Variants in KIF6 observed in about 807,000 individuals in gnomAD.
KIF6 encodes the protein kinesin-like protein KIF6.
In KIF6, 106 loss-of-function variants were observed where a neutral mutation model predicts 112.7. The ratio of observed to expected loss-of-function variants is 0.94; its 90% CI spans 0.80 to 1.11. The LOEUF is 1.11. Among genes scored for constraint, KIF6 ranks in the 50% least tolerant of loss-of-function variants. The pLI, the probability that KIF6 is intolerant of heterozygous loss-of-function variation, is 0.00. For missense variants in KIF6, 929 were observed against 964.0 expected (o/e 0.96, Z 0.48); for synonymous variants, 339 against 339.9 (o/e 1.00, Z 0.03).
chr6:39,460,165 A>G (rs1211932505), intron 13 of KIF6, among the ~76,000 whole-genome samples: 1 of 141,792 alleles, frequency 7.1e-6, no homozygotes, highest in Non-Finnish European at 1.5e-5. Context: ...AAAATGTGGC[A>G]CATATACACC....
chr6:39,578,033 G>GA (rs3830834), intron 10 of KIF6, 23 bp downstream of exon 10: 140,328 of 1,518,492 alleles, frequency 0.092, 6,757 homozygotes, highest in South Asian at 0.16. Flanking sequence ...TAAAGAAAAA[G>GA]AAAAAAAAGT....
intron 7 of KIF6, among the ~76,000 whole-genome samples, chr6:39,595,241 G>A (rs1782188939): frequency 6.6e-6 from 1 of 152,152 alleles, no homozygotes; most frequent in African/African-American, 2.4e-5. Context: ...GCAAAAGGAA[G>A]CCATTTGTAA....
intron 3 of KIF6, among the ~76,000 whole-genome samples, chr6:39,710,882 G>A (rs1029072343): frequency 2.6e-5 from 4 of 151,838 alleles, no homozygotes; most frequent in African/African-American, 2.4e-5. Flanking sequence ...AAAATTAGCC[G>A]AGTGTGGTAG....
intron 16 of KIF6, among the ~76,000 whole-genome samples, chr6:39,379,002 A>AT (rs1766692552): frequency 6.6e-6 from 1 of 152,194 alleles, no homozygotes; most frequent in Non-Finnish European, 1.5e-5. Context: ...GTTGAATAAC[A>AT]TTTCGGTATC....
At chr6:39,623,140 C>G (rs531828708) in intron 5 of KIF6, among the ~76,000 whole-genome samples, 1 of 152,294 alleles carries the variant, frequency 6.6e-6, no homozygotes, top group East Asian at 1.9e-4. Context: ...CTGGTTTAAT[C>G]TGTTTGCTTT....
rs776921076 is a variant in KIF6, at chr6:39,540,049, G to T, written c.1599C>A (p.Asp533Glu). 8 of 1,613,240 alleles carry T rather than the reference G, an allele frequency of 5.0e-6. No homozygotes were observed. The highest frequency in any genetic ancestry group is 6.8e-6 in the Non-Finnish European group (8 of 1,179,782). ...TGGATCTTTTCCCCAAAATGCTGAA[G>T]TCCTGGGCCTGTGAGGGAGCTGAGG... ...RLSSAPSQAQ[D>E]FSILGKRSSL... The change falls in exon 13 of 23, where the codon GAC becomes GAA. Residue 533 changes from aspartate to glutamate, a missense_variant. Physicochemically the swap from Asp to Glu is conservative, Grantham distance 45 (BLOSUM62 2). This residue lies in a region of KIF6 where 688 missense variants were observed against 662.7 expected (regional missense o/e 1.04). Transcript: ENST00000287152.
intron 13 of KIF6, among the ~76,000 whole-genome samples, chr6:39,487,754 T>C (rs1775205797): frequency 6.6e-6 from 1 of 152,224 alleles, no homozygotes; most frequent in Non-Finnish European, 1.5e-5. Context: ...AACAGTCCTA[T>C]AGATGACAAT....
intron 13 of KIF6, among the ~76,000 whole-genome samples, chr6:39,473,580 A>G (rs1457096435): frequency 6.6e-6 from 1 of 152,232 alleles, no homozygotes; most frequent in East Asian, 1.9e-4. Flanking sequence ...ACAGAGCAGT[A>G]TGCAGTAGAT....
intron 20 of KIF6, among the ~76,000 whole-genome samples, chr6:39,346,085 T>TCTCTCTCTCTCCCC (rs1212794740): frequency 1.9e-4 from 4 of 21,598 alleles, no homozygotes; most frequent in Non-Finnish European, 1.6e-4. Context: ...TCTCTCTCTC[T>TCTCTCTCTCTCCCC]CCCCCCCCTC....
intron 20 of KIF6, among the ~76,000 whole-genome samples, chr6:39,346,092 CCTCT>C (rs1763737522): frequency 5.2e-4 from 25 of 48,134 alleles, no homozygotes; most frequent in African/African-American, 2.8e-3. Flanking sequence ...CTCTCCCCCC[CCTCT>C]CCCTCCCCCC....
intron 15 of KIF6, among the ~76,000 whole-genome samples, chr6:39,411,062 C>A (rs569407768): frequency 6.6e-6 from 1 of 152,094 alleles, no homozygotes; most frequent in Non-Finnish European, 1.5e-5. Context: ...CTTTCTCATA[C>A]CTTTGAGCTA....
intron 3 of KIF6, among the ~76,000 whole-genome samples, chr6:39,642,050 T>C (rs750800152): frequency 3.3e-4 from 50 of 152,156 alleles, no homozygotes; most frequent in Non-Finnish European, 5.3e-4. Flanking sequence ...CTGTAGAGCC[T>C]CCATTCCAAC....
At chr6:39,721,576 T>C (rs541133532) in intron 1 of KIF6, among the ~76,000 whole-genome samples, 1 of 152,172 alleles carries the variant, frequency 6.6e-6, no homozygotes, top group Non-Finnish European at 1.5e-5. Context: ...TATAAAGAGG[T>C]CATGTGGAAT....
intron 13 of KIF6, among the ~76,000 whole-genome samples, chr6:39,491,300 A>G (rs1012437931): frequency 1.3e-5 from 2 of 151,992 alleles, no homozygotes; most frequent in Non-Finnish European, 2.9e-5. Flanking sequence ...ACACATGGAG[A>G]GGCCCTGAGC....
At chr6:39,684,466 T>C (rs1245709898) in intron 3 of KIF6, among the ~76,000 whole-genome samples, 1 of 151,768 alleles carries the variant, frequency 6.6e-6, no homozygotes, top group Non-Finnish European at 1.5e-5. Flanking sequence ...AAATACAAAA[T>C]TAGCTGGGCA....
chr6:39,707,446 C>T (rs1789282667), intron 3 of KIF6, among the ~76,000 whole-genome samples: 1 of 152,182 alleles, frequency 6.6e-6, no homozygotes, highest in Non-Finnish European at 1.5e-5. Context: ...TGTCTGGTTT[C>T]TCCAGCATCC....
At chr6:39,639,875 T>C in intron 3 of KIF6, 118 bp from the exon 4 acceptor site, 3 of 827,622 alleles carry the variant, frequency 3.6e-6, no homozygotes, top group Non-Finnish European at 5.4e-6. Flanking sequence ...TATAGAAATA[T>C]CTATTAAAAA....
intron 3 of KIF6, among the ~76,000 whole-genome samples, chr6:39,666,978 A>G (rs935683558): frequency 8.5e-5 from 13 of 152,166 alleles, no homozygotes; most frequent in Non-Finnish European, 1.6e-4. Context: ...TCATTTCATT[A>G]AGTTCCTCAT....
intron 13 of KIF6, among the ~76,000 whole-genome samples, chr6:39,460,295 A>G (rs868843550): frequency 0.022 from 2,615 of 118,168 alleles, 106 homozygotes; most frequent in African/African-American, 0.085. Context: ...AACACCGCAT[A>G]TTCTCACTCA....
Sources: allele counts gnomAD v4.1 joint callset (sites outside exome capture counted in the v4.1 genomes callset), GRCh38; gene constraint gnomAD v4.1.1; regional missense constraint gnomAD v4.1.1; transcripts MANE v1.5; gene names NCBI Gene and HGNC (gene_info 2026-07-23, HGNC 2026-07-21).